Variants in PPFIBP1 observed in about 807,000 individuals in gnomAD.
The protein encoded by PPFIBP1 is liprin-beta-1.
PPFIBP1 carries 112 observed loss-of-function variants against 137.8 expected under a neutral mutation model. The observed-to-expected ratio is 0.81, with a 90% CI of 0.70 to 0.95. The LOEUF (loss-of-function observed/expected upper bound fraction) is 0.95. Ranked by LOEUF, PPFIBP1 falls within the 40% of genes least tolerant of loss-of-function variation. The pLI is 0.00. For missense variants in PPFIBP1, 1,083 were observed against 1,196.6 expected (o/e 0.91, Z 1.40); for synonymous variants, 378 against 417.3 (o/e 0.91, Z 1.15).
Position 27,664,441 on chromosome 12 carries a change from A to T in PPFIBP1, c.986A>T (p.Lys329Ile), listed in dbSNP as rs1487717807. The T allele has an allele frequency of 6.2e-7, 1 of 1,608,274 alleles. No individual in the cohort carries two copies. The highest frequency in any genetic ancestry group is 1.1e-5 in the South Asian group (1 of 90,620). Residue 329 changes from lysine to isoleucine, a missense_variant, in exon 12 of 30, where the codon AAA becomes ATA. By Grantham distance (102) the Lys-to-Ile change is moderately radical (BLOSUM62 -3). Transcript: ENST00000228425. ...GACACGGTGGTACTGGCCCAAGGTAAAAAAGGTAGAGTGTAGCTCTAAAAG... is the reference window on the plus strand; with the variant it reads ...GACACGGTGGTACTGGCCCAAGGTATAAAAGGTAGAGTGTAGCTCTAAAAG... ...MQDTVVLAQGKKGKDGEYEEL... is the reference protein window; with the variant it reads ...MQDTVVLAQGIKGKDGEYEEL...
chr12:27,688,117 A>G, intron 25 of PPFIBP1, 181 bp from the exon 26 acceptor site: 1 of 676,974 alleles, frequency 1.5e-6, no homozygotes, highest in South Asian at 2.2e-5. Context: ...TTCCTAAAGC[A>G]ATGCTTTATT....
At chr12:27,537,290 T>G (rs1945140378) in intron 1 of PPFIBP1, among the ~76,000 whole-genome samples, 1 of 152,044 alleles carries the variant, frequency 6.6e-6, no homozygotes, top group East Asian at 1.9e-4. Context: ...TGCCACCACG[T>G]CCAGCTAATT....
At chr12:27,562,050 T>C (rs904981481) in intron 1 of PPFIBP1, among the ~76,000 whole-genome samples, 5 of 152,164 alleles carry the variant, frequency 3.3e-5, no homozygotes, top group Non-Finnish European at 4.4e-5. Flanking sequence ...CCTGTCTTAA[T>C]CAAATAGTTA....
At chr12:27,591,958 T>C (rs1213495604) in intron 2 of PPFIBP1, among the ~76,000 whole-genome samples, 2 of 152,250 alleles carry the variant, frequency 1.3e-5, no homozygotes, top group African/African-American at 4.8e-5. Context: ...AGGAATGTGA[T>C]GGGTCACGCT....
intron 2 of PPFIBP1, among the ~76,000 whole-genome samples, chr12:27,628,433 C>A (rs2138836959): frequency 6.6e-6 from 1 of 152,310 alleles, no homozygotes; most frequent in South Asian, 2.1e-4. Flanking sequence ...CCTGCCTTGG[C>A]CTCCCAAAGT....
rs745426170 is a variant in PPFIBP1, at chr12:27,633,368, G to A, written c.-29G>A. ...TAACCTTATTTTTTTTCAGATCTGG[G>A]TTGGAATTTGCCCCTGACAAATAAT... On this transcript the variant is annotated 5_prime_UTR_variant, in exon 3 of 30. Transcript: ENST00000228425. 3.1e-6 allele frequency: 5 copies of A among 1,609,614 alleles called. No homozygotes were observed. Among genetic ancestry groups the A allele is most frequent in the Admixed American group, 1.7e-5 (1 of 59,832 alleles).
intron 2 of PPFIBP1, among the ~76,000 whole-genome samples, chr12:27,600,191 A>G (rs2053808174): frequency 1.3e-5 from 2 of 152,260 alleles, no homozygotes; most frequent in South Asian, 2.1e-4. Flanking sequence ...TAATCCTAGC[A>G]TTTTGGGAGG....
intron 1 of PPFIBP1, among the ~76,000 whole-genome samples, chr12:27,543,316 C>A (rs754335656): frequency 9.2e-5 from 14 of 152,034 alleles, no homozygotes; most frequent in Non-Finnish European, 1.3e-4. Context: ...GTTAAAAATA[C>A]CCTTTGGGAA....
chr12:27,524,552 G>T (rs898073444), intron 1 of PPFIBP1, among the ~76,000 whole-genome samples, 187 bp downstream of exon 1: 1 of 151,966 alleles, frequency 6.6e-6, no homozygotes, highest in Non-Finnish European at 1.5e-5. Flanking sequence ...TAACTCCTGG[G>T]GCTTGGACCG....
Position 27,682,716 on chromosome 12 carries a change from C to T in PPFIBP1, c.2247+13C>T. The T allele has an allele frequency of 6.2e-7, 1 of 1,613,718 alleles. No homozygotes were observed. The highest frequency in any genetic ancestry group is 1.1e-5 in the South Asian group (1 of 90,864). On this transcript the variant is annotated intron_variant, in intron 24 of 29. Coordinates refer to ENST00000228425, the MANE Select transcript of PPFIBP1 (RefSeq NM_003622.4). ...TTACATGACTGTTGTAAGTGACTCA[C>T]TCCTGGGGTTTGGGGGAGGAAAACT... is the stretch of plus-strand genomic sequence containing the variant.
chr12:27,625,580 G>GTT (rs35985658), intron 2 of PPFIBP1, among the ~76,000 whole-genome samples: 57 of 136,180 alleles, frequency 4.2e-4, no homozygotes, highest in Admixed American at 1.1e-3. Flanking sequence ...GTTTTTTACA[G>GTT]TTTTTTTTTT....
chr12:27,659,639 C>T (rs1302995403), intron 10 of PPFIBP1, among the ~76,000 whole-genome samples: 1 of 137,940 alleles, frequency 7.2e-6, no homozygotes, highest in Non-Finnish European at 1.5e-5. Flanking sequence ...ACGGCCTGGG[C>T]AACACTGACA....
intron 4 of PPFIBP1, among the ~76,000 whole-genome samples, chr12:27,638,677 A>G (rs937950813): frequency 1.1e-4 from 17 of 152,198 alleles, no homozygotes; most frequent in Admixed American, 6.5e-5. Flanking sequence ...ACCCTTTGCA[A>G]TGAGGGAAGG....
chr12:27,577,803 T>TA (rs1272252885), intron 1 of PPFIBP1, among the ~76,000 whole-genome samples: 1 of 152,208 alleles, frequency 6.6e-6, no homozygotes, highest in Non-Finnish European at 1.5e-5. Flanking sequence ...TTCATTCATT[T>TA]ACTCAACAAA....
chr12:27,658,247 A>G (rs1322726672), intron 9 of PPFIBP1, among the ~76,000 whole-genome samples: 1 of 152,178 alleles, frequency 6.6e-6, no homozygotes, highest in Non-Finnish European at 1.5e-5. Context: ...CAACCTGGGA[A>G]CTGCGTGTTA....
intron 1 of PPFIBP1, among the ~76,000 whole-genome samples, chr12:27,554,815 T>G (rs1947113238): frequency 6.6e-6 from 1 of 152,056 alleles, no homozygotes; most frequent in South Asian, 2.1e-4. Flanking sequence ...GTTGCCAAAT[T>G]GGAATGTTCC....
intron 19 of PPFIBP1, 123 bp from the exon 20 acceptor site, chr12:27,679,366 T>C: frequency 1.1e-6 from 1 of 902,020 alleles, no homozygotes; most frequent in South Asian, 1.8e-5. Flanking sequence ...TACAAGGTGC[T>C]CTTTGTAAGT....
intron 10 of PPFIBP1, 41 bp downstream of exon 10, chr12:27,658,889 A>G (rs768433560): frequency 3.2e-6 from 5 of 1,570,368 alleles, no homozygotes; most frequent in Non-Finnish European, 4.4e-6. Flanking sequence ...ACATTCACCA[A>G]AAATACTACC....
intron 21 of PPFIBP1, among the ~76,000 whole-genome samples, chr12:27,680,751 A>G (rs79882846): frequency 0.044 from 6,763 of 152,306 alleles, 195 homozygotes; most frequent in Non-Finnish European, 0.072. Context: ...GAACTACTAC[A>G]TTGACTCACT....
Sources: allele counts gnomAD v4.1 joint callset (sites outside exome capture counted in the v4.1 genomes callset), GRCh38; gene constraint gnomAD v4.1.1; transcripts MANE v1.5; gene names NCBI Gene and HGNC (gene_info 2026-07-23, HGNC 2026-07-21).